NPFFR2: variants seen among roughly 807,000 people sequenced by gnomAD.
The protein encoded by NPFFR2 is neuropeptide FF receptor 2, also known as G-protein coupled receptor 74.
Under a neutral mutation model 13.1 loss-of-function variants are expected in NPFFR2, and 15 were observed. The ratio of observed to expected loss-of-function variants is 1.15; its 90% CI spans 0.77 to 1.76. The LOEUF (loss-of-function observed/expected upper bound fraction) is 1.76, where lower values mean the gene tolerates loss of function less well. NPFFR2 is among the 40% of genes most tolerant of loss of function. The probability of loss-of-function intolerance (pLI) is 0.00; values close to 1 mark genes in which losing one functional copy is unlikely to be tolerated. For synonymous variants in NPFFR2, 190 were observed against 175.7 expected (o/e 1.08, Z -0.65); for missense variants, 572 against 503.5 (o/e 1.14, Z -1.30).
Position 72,129,037 on chromosome 4 carries a change from A to T in NPFFR2, c.328+118A>T, listed in dbSNP as rs1449061708. Reference sequence around the variant, plus strand: ...TTACATATATTTATGGAATTCCAGGAACTGATCCAGGCACCTGCCCTCATT... The same window carrying T: ...TTACATATATTTATGGAATTCCAGGTACTGATCCAGGCACCTGCCCTCATT... On this transcript the variant is annotated intron_variant, in intron 2 of 3. Transcript: ENST00000308744. 8 of 792,702 alleles carry T rather than the reference A, an allele frequency of 1.0e-5. No individual in the cohort carries two copies. The African/African-American group carries it at 1.4e-4, about 14-fold the overall frequency. 49.1% of individuals were successfully genotyped at this position (792,702 alleles called of 1,614,324 possible). A position where few individuals can be genotyped will look rare whatever the true frequency, so the allele number is the denominator to read the frequency against.
intron 1 of NPFFR2, among the ~76,000 whole-genome samples, chr4:72,075,661 C>T (rs141554914): frequency 2.4e-4 from 36 of 151,972 alleles, no homozygotes; most frequent in Non-Finnish European, 4.9e-4. Flanking sequence ...AGGACATAAG[C>T]CAATCACAAA....
intron 3 of NPFFR2, among the ~76,000 whole-genome samples, chr4:72,140,267 T>A (rs1317324862): frequency 6.6e-6 from 1 of 152,210 alleles, no homozygotes; most frequent in African/African-American, 2.4e-5. Context: ...GTTGCCTGAT[T>A]GCCTTGGCCA....
chr4:72,103,985 A>G (rs1425411730), intron 1 of NPFFR2, among the ~76,000 whole-genome samples: 1 of 152,098 alleles, frequency 6.6e-6, no homozygotes, highest in African/African-American at 2.4e-5. Flanking sequence ...AGCTGGTAAC[A>G]GTTTTTGAAG....
rs753341413 is a variant in NPFFR2, at chr4:72,138,136, A to G, written c.425A>G (p.Asp142Gly). 1.9e-6 allele frequency: 3 copies of G among 1,610,940 alleles called. No individual in the cohort carries two copies. In the African/African-American group the frequency reaches 4.0e-5, roughly 22 times the overall value. ...SVFTLVAIAV[D>G]RFQCVVYPFK... is the part of the protein sequence containing the mutation. The stretch of plus-strand genomic sequence containing the variant: ...TTTACGTTAGTTGCAATTGCTGTAG[A>G]TAGGTAAGTCTGCACCAAACTCTGA... Residue 142 changes from aspartate to glycine, a missense_variant, in exon 3 of 4, where the codon GAT (aspartate) becomes GGT (glycine). Transcript: ENST00000308744.
intron 1 of NPFFR2, among the ~76,000 whole-genome samples, chr4:72,091,308 C>A (rs1234299935): frequency 6.6e-6 from 1 of 151,750 alleles, no homozygotes; most frequent in Non-Finnish European, 1.5e-5. Context: ...TTGTATTATT[C>A]TTTCCTGGTT....
chr4:72,108,074 C>T (rs1721467624), intron 1 of NPFFR2, among the ~76,000 whole-genome samples: 1 of 151,912 alleles, frequency 6.6e-6, no homozygotes, highest in Non-Finnish European at 1.5e-5. Context: ...CTCCTTCCTA[C>T]ATTAGATGCT....
At chr4:72,039,245 G>A (rs1578415660) in intron 1 of NPFFR2, 1 of 171,020 alleles carries the variant, frequency 5.8e-6, no homozygotes, top group Non-Finnish European at 1.2e-5. Context: ...ATTTTTAGTA[G>A]GGACGGCGTT....
intron 1 of NPFFR2, among the ~76,000 whole-genome samples, chr4:72,089,211 T>C (rs1193206139): frequency 6.6e-6 from 1 of 152,156 alleles, no homozygotes; most frequent in Non-Finnish European, 1.5e-5. Flanking sequence ...GTACCACATT[T>C]TCTTTATCCA....
At chr4:72,125,699 C>T (rs1013003554) in intron 1 of NPFFR2, among the ~76,000 whole-genome samples, 3 of 152,174 alleles carry the variant, frequency 2.0e-5, no homozygotes, top group African/African-American at 4.8e-5. Flanking sequence ...TTAAAGCCAG[C>T]AAAGGCCCAT....
intron 1 of NPFFR2, among the ~76,000 whole-genome samples, chr4:72,082,374 A>G (rs558051045): frequency 3.3e-5 from 5 of 152,208 alleles, no homozygotes; most frequent in African/African-American, 7.2e-5. Context: ...ATTCATTCCA[A>G]TCAGGCTGTC....
rs1056489469 is a variant in NPFFR2, at chr4:72,080,788, C to A, written c.-7-47797C>A. Reference sequence around the variant, plus strand: ...GGTTAAAGGGAATCAGGGGCCTTTACTCTCAGAAAGATCTAAGTTTGAGAG... The same window carrying A: ...GGTTAAAGGGAATCAGGGGCCTTTAATCTCAGAAAGATCTAAGTTTGAGAG... On this transcript the variant is annotated intron_variant, in intron 1 of 3. Coordinates refer to ENST00000308744, the MANE Select transcript of NPFFR2 (RefSeq NM_004885.3). Among the ~76,000 whole-genome samples, 5 of 146,780 alleles carry A rather than the reference C, an allele frequency of 3.4e-5. 1 individual carries two copies. The highest frequency in any genetic ancestry group is 1.1e-4 in the African/African-American group (4 of 36,464).
Position 72,147,942 on chromosome 4 carries a change from C to A in NPFFR2, c.*130C>A. 1 of 672,332 alleles carries A rather than the reference C, an allele frequency of 1.5e-6. No individual in the cohort carries two copies. The highest frequency in any genetic ancestry group is 2.8e-5 in the South Asian group (1 of 35,870). The allele number at this position is 672,332 out of a possible 1,614,324, so 41.6% of individuals were successfully genotyped here. A position where few individuals can be genotyped will look rare whatever the true frequency, so the allele number is the denominator to read the frequency against. ...AACATTTACTGAAAGCCCTCTCTGG[C>A]AAAAAAATTAAAAATAAACAAAAAT... On this transcript the variant is annotated 3_prime_UTR_variant, in exon 4 of 4. Transcript: ENST00000308744.
At chr4:72,061,127 A>C (rs1040276301) in intron 1 of NPFFR2, among the ~76,000 whole-genome samples, 3 of 152,158 alleles carry the variant, frequency 2.0e-5, no homozygotes, top group African/African-American at 4.8e-5. Flanking sequence ...AAAATCAGGA[A>C]GGTGTGGAAC....
At chr4:72,049,219 A>G (rs1207400068) in intron 1 of NPFFR2, among the ~76,000 whole-genome samples, 1 of 152,238 alleles carries the variant, frequency 6.6e-6, no homozygotes, top group East Asian at 1.9e-4. Flanking sequence ...GAAAATTATT[A>G]TTTGGAAACA....
chr4:72,043,529 C>A (rs981515951), intron 1 of NPFFR2, among the ~76,000 whole-genome samples: 2 of 152,246 alleles, frequency 1.3e-5, no homozygotes, highest in African/African-American at 4.8e-5. Flanking sequence ...GAGCCTACAT[C>A]TTGCATCAGT....
chr4:72,106,952 C>T (rs72653904), intron 1 of NPFFR2, among the ~76,000 whole-genome samples: 5,096 of 151,992 alleles, frequency 0.034, 120 homozygotes, highest in Non-Finnish European at 0.053. Flanking sequence ...TTGAATATCA[C>T]GTCATGCTTG....
chr4:72,096,225 G>A (rs1343467121), intron 1 of NPFFR2, among the ~76,000 whole-genome samples: 1 of 151,948 alleles, frequency 6.6e-6, no homozygotes. Context: ...GGTAAATATT[G>A]GTAATTTTAA....
chr4:72,076,054 A>G (rs1720427511), intron 1 of NPFFR2, among the ~76,000 whole-genome samples: 1 of 147,976 alleles, frequency 6.8e-6, no homozygotes, highest in Non-Finnish European at 1.5e-5. Context: ...GGAAGGAACA[A>G]AGCACTTTCT....
chr4:72,040,216 T>C (rs968292590), intron 1 of NPFFR2, among the ~76,000 whole-genome samples: 5 of 152,156 alleles, frequency 3.3e-5, no homozygotes, highest in Non-Finnish European at 7.4e-5. Context: ...TGTTGATTAA[T>C]ATGATTTTTT....
Sources: gnomAD v4.1 joint callset for allele counts (sites outside exome capture counted in the v4.1 genomes callset) on GRCh38, gnomAD v4.1.1 for gene constraint, MANE v1.5 for transcripts, NCBI Gene and HGNC (gene_info 2026-07-23, HGNC 2026-07-21) for gene names.